Variants in ARHGAP32 observed in about 807,000 individuals in gnomAD.
The protein encoded by ARHGAP32 is Rho GTPase activating protein 32, also known as rho GTPase-activating protein 32.
ARHGAP32 carries 51 observed loss-of-function variants against 186.5 expected under a neutral mutation model. The observed-to-expected ratio is 0.27, with a 90% CI of 0.22 to 0.35. The LOEUF (loss-of-function observed/expected upper bound fraction) is 0.35, where lower values mean the gene tolerates loss of function less well. Ranked by LOEUF, ARHGAP32 falls within the 10% of genes least tolerant of loss-of-function variation. The pLI is 1.00. For synonymous variants in ARHGAP32, 950 were observed against 964.3 expected, an observed-to-expected ratio of 0.99 and a Z score of 0.27; for missense variants, 2,186 against 2,623.5, an observed-to-expected ratio of 0.83 and a Z score of 3.64.
rs370934304 is a variant in ARHGAP32 at position 128,980,692 on chromosome 11, T to A, written c.1837A>T (p.Thr613Ser). ...GTTCGTGCCTGGGCCTCTTCCAATG[T>A]CAGCAGTTTGGTGGATGGAGAGGAT... ...LVSSPSTKLL[T>S]LEEAQARTQA... The change falls in exon 18 of 23, where the codon ACA becomes TCA. Residue 613 changes from threonine to serine, a missense_variant. Transcript: ENST00000682385. 3.7e-5 allele frequency: 60 copies of A among 1,613,882 alleles called. No individual in the cohort carries two copies. Among genetic ancestry groups the A allele is most frequent in the Non-Finnish European group, 5.1e-5 (60 of 1,179,934 alleles).
chr11:129,043,658 G>C (rs933969816), intron 10 of ARHGAP32, among the ~76,000 whole-genome samples: 62 of 152,066 alleles, frequency 4.1e-4, no homozygotes, highest in African/African-American at 1.3e-3. Flanking sequence ...AAAGTGCTGG[G>C]ATTACAGGCG....
chr11:129,023,815 T>C (rs1938707063), intron 11 of ARHGAP32: 2 of 875,884 alleles, frequency 2.3e-6, no homozygotes, highest in South Asian at 1.0e-4. Context: ...ATTCTGAATG[T>C]TGCTTGAGTC....
At chr11:129,009,122 T>C (rs572977898) in intron 11 of ARHGAP32, among the ~76,000 whole-genome samples, 40 of 152,346 alleles carry the variant, frequency 2.6e-4, no homozygotes, top group Admixed American at 6.5e-4. Context: ...ATTCAATATT[T>C]CTACATGGAA....
At chr11:129,024,459 G>A (rs1938742969) in intron 11 of ARHGAP32, among the ~76,000 whole-genome samples, 1 of 152,210 alleles carries the variant, frequency 6.6e-6, no homozygotes, top group South Asian at 2.1e-4. Context: ...CAAGTAGGAA[G>A]TACTGCCAGT....
chr11:129,180,025 A>G (rs1049457917), intron 1 of ARHGAP32, among the ~76,000 whole-genome samples: 7 of 152,186 alleles, frequency 4.6e-5, no homozygotes, highest in African/African-American at 1.7e-4. Context: ...AAGACTCTAT[A>G]AGCAATTTAG....
At chr11:129,211,636 G>A (rs1233380278) in intron 1 of ARHGAP32, among the ~76,000 whole-genome samples, 1 of 152,094 alleles carries the variant, frequency 6.6e-6, no homozygotes, top group East Asian at 1.9e-4. Flanking sequence ...ACCCACTTGT[G>A]TAACTTAAAG....
intron 1 of ARHGAP32, among the ~76,000 whole-genome samples, chr11:129,187,008 G>A (rs1944175863): frequency 6.6e-6 from 1 of 152,156 alleles, no homozygotes; most frequent in Admixed American, 6.5e-5. Flanking sequence ...CCATCCCACT[G>A]TTGGACATAT....
At chr11:129,091,495 A>G (rs1480005655) in intron 6 of ARHGAP32, among the ~76,000 whole-genome samples, 1 of 152,140 alleles carries the variant, frequency 6.6e-6, no homozygotes, top group African/African-American at 2.4e-5. Flanking sequence ...ACAGCCAATC[A>G]ATCTGTCACT....
intron 13 of ARHGAP32, among the ~76,000 whole-genome samples, chr11:128,987,316 T>C (rs561544534): frequency 1.3e-5 from 2 of 152,326 alleles, no homozygotes; most frequent in Non-Finnish European, 2.9e-5. Context: ...TTAATGTGTG[T>C]GTACAATATG....
chr11:129,140,060 C>T (rs1233323764), intron 2 of ARHGAP32, among the ~76,000 whole-genome samples: 1 of 152,184 alleles, frequency 6.6e-6, no homozygotes, highest in Non-Finnish European at 1.5e-5. Flanking sequence ...AATCTAATCA[C>T]ATGAGCACTT....
exon 1 of ARHGAP32, chr11:129,279,159 C>A (rs1945576748): frequency 6.9e-6 from 1 of 145,526 alleles, no homozygotes; most frequent in Non-Finnish European, 1.5e-5. Context: ...GCCCCGCGGC[C>A]CCGCCGCGCC....
At chr11:129,147,017 T>C (rs1325561571) in intron 2 of ARHGAP32, among the ~76,000 whole-genome samples, 2 of 152,098 alleles carry the variant, frequency 1.3e-5, no homozygotes, top group Admixed American at 1.3e-4. Context: ...GTATGATTTT[T>C]GAGAGAAATG....
At chr11:129,098,985 A>C (rs923552209) in intron 5 of ARHGAP32, among the ~76,000 whole-genome samples, 2 of 152,164 alleles carry the variant, frequency 1.3e-5, no homozygotes, top group African/African-American at 2.4e-5. Context: ...AAAGAAAATA[A>C]GAAAGAAATT....
chr11:129,180,655 C>CAA (rs1003987690), intron 1 of ARHGAP32, among the ~76,000 whole-genome samples: 14 of 152,102 alleles, frequency 9.2e-5, no homozygotes, highest in South Asian at 8.3e-4. Context: ...AAATTATGGA[C>CAA]AAATTTTATG....
Position 129,269,456 on chromosome 11 carries a change from A to G in ARHGAP32, c.-5+9690T>C, listed in dbSNP as rs1945447590. 2.0e-5 allele frequency among the ~76,000 whole-genome samples: 3 copies of G among 152,146 alleles called. No homozygotes were observed. In the South Asian group the frequency reaches 6.2e-4, roughly 32 times the overall value. On this transcript the variant is annotated intron_variant, in intron 1 of 6. Coordinates refer to the ARHGAP32 transcript ENST00000525234. ...TAAAAGAAGTACATGGCCAGGCGCC[A>G]TAACTCACGCCTATAATCCCAACAC...
At chr11:129,120,875 T>C (rs902764479) in intron 5 of ARHGAP32, among the ~76,000 whole-genome samples, 2 of 152,086 alleles carry the variant, frequency 1.3e-5, no homozygotes, top group East Asian at 1.9e-4. Context: ...AGTTGGCCAA[T>C]TGACAGTATG....
intron 1 of ARHGAP32, among the ~76,000 whole-genome samples, chr11:129,208,322 A>G (rs929986080): frequency 4.6e-5 from 7 of 152,198 alleles, no homozygotes; most frequent in African/African-American, 1.7e-4. Context: ...CAGAAAACAC[A>G]GATTCATGAG....
chr11:129,146,276 C>T (rs908533360), intron 2 of ARHGAP32, among the ~76,000 whole-genome samples: 11 of 152,104 alleles, frequency 7.2e-5, no homozygotes, highest in African/African-American at 2.7e-4. Context: ...CAGTTATCCA[C>T]AGTCAACTGC....
chr11:129,029,674 C>T (rs1375200281), intron 11 of ARHGAP32, among the ~76,000 whole-genome samples: 7 of 151,676 alleles, frequency 4.6e-5, no homozygotes, highest in East Asian at 1.9e-4. Context: ...GTGGTGCAGG[C>T]GCCTGTAGTC....
Sources: gnomAD v4.1 joint callset for allele counts (sites outside exome capture counted in the v4.1 genomes callset) on GRCh38, gnomAD v4.1.1 for gene constraint, MANE v1.5 for transcripts, NCBI Gene and HGNC (gene_info 2026-07-23, HGNC 2026-07-21) for gene names.